OFD1: variants seen among roughly 807,000 people sequenced by gnomAD.
OFD1 encodes centriole and centriolar satellite protein OFD1.
OFD1 carries 12 observed loss-of-function variants against 81.4 expected under a neutral mutation model. That is an observed-to-expected ratio of 0.15 (90% confidence interval 0.09 to 0.24). OFD1 has a LOEUF of 0.24. Among genes scored for constraint, OFD1 ranks in the 10% least tolerant of loss-of-function variants. OFD1 has a pLI of 1.00. For missense variants in OFD1, 685 were observed against 733.9 expected, an observed-to-expected ratio of 0.93 and a Z score of 0.77; for synonymous variants, 256 against 263.7, an observed-to-expected ratio of 0.97 and a Z score of 0.28.
Position 13,758,253 on chromosome X carries a change from A to T in OFD1, c.1543-84A>T, listed in dbSNP as rs1235630683. The T allele has an allele frequency of 8.9e-6, 6 of 672,696 alleles. No individual in the cohort carries two copies. The East Asian group carries it at 2.0e-4, about 22-fold the overall frequency. 55.4% of individuals were successfully genotyped at this position (672,696 alleles called of 1,213,427 possible). ...GGAATTGGCAGAACAAAAAGAGTAC[A>T]AACATGATAAGAGAACTTTTCCTTT... On this transcript the variant is annotated intron_variant, in intron 14 of 22. Transcript: ENST00000340096.
chrX:13,722,859 C>G, the OFD1 span, among the ~76,000 whole-genome samples: 4 of 111,082 alleles, frequency 3.6e-5, no homozygotes, highest in East Asian at 8.6e-4. Context: ...GTCAGGAGAT[C>G]GAGACCATCC....
At chrX:13,755,611 A>T (rs754060390) in intron 12 of OFD1, among the ~76,000 whole-genome samples, 1 of 112,199 alleles carries the variant, frequency 8.9e-6, no homozygotes, top group East Asian at 2.8e-4. Context: ...GCAGGTGGCC[A>T]TTACTATTAG....
chrX:13,725,042 T>TG, the OFD1 span, among the ~76,000 whole-genome samples: 1 of 113,050 alleles, frequency 8.8e-6, no homozygotes, highest in African/African-American at 3.2e-5. Context: ...GCAGCCTGGC[T>TG]GGGGGAGGGG....
rs746612831 is a variant in OFD1, at chrX:13,760,421, G to A, written c.1961G>A (p.Arg654Gln). Residue 654 changes from arginine (R) to glutamine (Q), a missense_variant, in exon 16 of 23, where the codon CGG becomes CAG. Arg to Gln is a conservative substitution (Grantham distance 43). Around this residue, in one of 3 missense-constraint regions of OFD1, gnomAD observed 12 missense variants for 32.4 expected, o/e 0.37. Transcript: ENST00000340096. Reference protein sequence around the residue: ...RLEKAFRSYHRRVIKNSAKSP... With the variant: ...RLEKAFRSYHQRVIKNSAKSP... Reference sequence around the variant, plus strand: ...GAAAAGGCTTTCAGAAGTTACCATCGGAGAGTCATTAAAAACTCTGCCAAA... The same window carrying A: ...GAAAAGGCTTTCAGAAGTTACCATCAGAGAGTCATTAAAAACTCTGCCAAA... 3.5e-5 allele frequency: 42 copies of A among 1,194,286 alleles called. 1 individual carries two copies. The South Asian group carries it at 6.8e-4, about 19-fold the overall frequency.
intron 6 of OFD1, 128 bp from the exon 7 acceptor site, chrX:13,746,191 C>T (rs2047289435): frequency 3.5e-6 from 2 of 563,967 alleles, no homozygotes; most frequent in Admixed American, 6.2e-5. Flanking sequence ...TTTTGTATTT[C>T]AAAGTAAGTT....
the OFD1 span, among the ~76,000 whole-genome samples, chrX:13,717,289 G>A: frequency 1.8e-5 from 2 of 111,404 alleles, no homozygotes; most frequent in African/African-American, 6.5e-5. Context: ...GTGAGCAGTC[G>A]CCTGTGTCAA....
rs993167577 is a variant in OFD1, at chrX:13,746,122, A to C, written c.518-197A>C. 3.6e-5 allele frequency among the ~76,000 whole-genome samples: 4 copies of C among 112,327 alleles called. No individual in the cohort carries two copies. In the East Asian group the frequency reaches 1.1e-3, roughly 31 times the overall value. ...CCCACCACCTAGATGTCACTATTAC[A>C]CTTGTGTTATACTTGCTTCATCATT... On this transcript the variant is annotated intron_variant, in intron 6 of 22. Transcript: ENST00000340096.
rs2047577713 is a variant in OFD1, at chrX:13,753,454, G to A, written c.1129+13G>A. ...AGGAAGAATAAAGGTGATGTTTGGG[G>A]GGAAAATAAGCTGTATTTTTCAGTT... On this transcript the variant is annotated intron_variant, in intron 11 of 22. Coordinates refer to ENST00000340096, the MANE Select transcript of OFD1 (RefSeq NM_003611.3). 8.3e-7 allele frequency: 1 copy of A among 1,204,313 alleles called. No homozygotes were observed. Among genetic ancestry groups the A allele is most frequent in the African/African-American group, 1.8e-5 (1 of 57,013 alleles).
chrX:13,753,895 G>A lies in OFD1; in HGVS notation c.1129+454G>A, dbSNP rs192193241. On this transcript the variant is annotated intron_variant, in intron 11 of 22. Coordinates refer to ENST00000340096, the MANE Select transcript of OFD1 (RefSeq NM_003611.3). ...ATGCTTTATAATATTTTTACTTGAT[G>A]TATAACCTTCTGAACTCTTGTGTAC... is the stretch of plus-strand genomic sequence containing the variant. Among the ~76,000 whole-genome samples the A allele has an allele frequency of 9.0e-5, 10 of 111,412 alleles. No individual in the cohort carries two copies. The East Asian group carries it at 2.8e-3, about 31-fold the overall frequency.
At chrX:13,745,174 A>G (rs1033296163) in intron 6 of OFD1, among the ~76,000 whole-genome samples, 2 of 112,354 alleles carry the variant, frequency 1.8e-5, no homozygotes, top group Non-Finnish European at 3.8e-5. Flanking sequence ...TAATTCATAA[A>G]ATGTATTATA....
At chrX:13,772,370 A>G (rs983628870), downstream of OFD1, 2 of 112,507 alleles carry the variant, frequency 1.8e-5, no homozygotes, top group African/African-American at 6.5e-5. Flanking sequence ...TAAGAATCAC[A>G]TTATCTTTGA....
At chrX:13,753,062 C>T in intron 10 of OFD1, 2 of 916,336 alleles carry the variant, frequency 2.2e-6, no homozygotes, top group Admixed American at 5.2e-5. Flanking sequence ...TACCCCTTTG[C>T]TCTTTGTGTC....
intron 8 of OFD1, among the ~76,000 whole-genome samples, chrX:13,749,086 C>T (rs2047403038): frequency 9.9e-6 from 1 of 101,125 alleles, no homozygotes; most frequent in African/African-American, 3.7e-5. Flanking sequence ...CACCCCACTG[C>T]ACTCCAGCCT....
In OFD1 at chrX:13,760,646, C is replaced by T. The variant is rs754422862; in HGVS notation, c.2186C>T (p.Thr729Ile). The change falls in exon 16 of 23, where the codon ACT (threonine) becomes ATT (isoleucine). Residue 729 changes from threonine to isoleucine, a missense_variant. By Grantham distance (89) the Thr-to-Ile change is moderately conservative. Around this residue, in one of 3 missense-constraint regions of OFD1, gnomAD observed 259 missense variants for 254.4 expected, o/e 1.02. Coordinates refer to ENST00000340096, the MANE Select transcript of OFD1 (RefSeq NM_003611.3). Reference protein sequence around the residue: ...GSAASRLRGGTSSRRLSSTPL... With the variant: ...GSAASRLRGGISSRRLSSTPL... The stretch of plus-strand genomic sequence containing the variant: ...GCAGCCTCGAGGCTCCGCGGGGGCA[C>T]TTCCTCCAGACGCCTCTCTTCCACA... 4.1e-6 allele frequency: 5 copies of T among 1,211,393 alleles called. No homozygotes were observed. Among genetic ancestry groups the T allele is most frequent in the Non-Finnish European group, 3.4e-6 (3 of 895,133 alleles).
chrX:13,722,208 C>CAGAAAAAAAAAAAAAAAAAAAAAAA, the OFD1 span: 5 of 36,116 alleles, frequency 1.4e-4, no homozygotes, highest in Non-Finnish European at 2.0e-4. Flanking sequence ...TAAGCAGCAG[C>CAGAAAAAAAAAAAAAAAAAAAAAAA]AAAAAAAAAA....
the OFD1 span, among the ~76,000 whole-genome samples, chrX:13,717,034 T>TAAAAAAAAAAAAAAAAAAAA: frequency 2.6e-5 from 1 of 37,936 alleles, no homozygotes; most frequent in Non-Finnish European, 4.3e-5. Context: ...GATACTATGT[T>TAAAAAAAAAAAAAAAAAAAA]AAAAAAAAAA....
At chrX:13,750,623 A>G (rs995597683) in intron 9 of OFD1, among the ~76,000 whole-genome samples, 1 of 111,734 alleles carries the variant, frequency 8.9e-6, no homozygotes, top group South Asian at 3.7e-4. Context: ...TCAATATTCA[A>G]TCAATAGGGT....
At chrX:13,771,230 T>G (rs13793), downstream of OFD1, 28,818 of 110,663 alleles carry the variant, frequency 0.26, 2,960 homozygotes, top group South Asian at 0.47. Context: ...ATTAGAAAAG[T>G]AAAATTAGGC....
intron 9 of OFD1, among the ~76,000 whole-genome samples, chrX:13,750,699 ACACTTGGGCTCAAG>A (rs1235897721): frequency 8.9e-6 from 1 of 111,951 alleles, no homozygotes; most frequent in Non-Finnish European, 1.9e-5. Context: ...CTGGTCTCAA[ACACTTGGGCTCAAG>A]CAATCCTCCT....
Sources: allele counts gnomAD v4.1 joint callset (sites outside exome capture counted in the v4.1 genomes callset), GRCh38; gene constraint gnomAD v4.1.1; regional missense constraint gnomAD v4.1.1; transcripts MANE v1.5; gene names NCBI Gene and HGNC (gene_info 2026-07-23, HGNC 2026-07-21).